KCNMA1: variants seen among roughly 807,000 people sequenced by gnomAD.
KCNMA1 encodes the protein Calcium-activated potassium channel subunit alpha-1.
KCNMA1 carries 29 observed loss-of-function variants against 140.0 expected under a neutral mutation model. That is an observed-to-expected ratio of 0.21 (90% CI 0.15 to 0.28). KCNMA1 has a LOEUF of 0.28. KCNMA1 is among the 10% of genes least tolerant of loss of function. The probability of loss-of-function intolerance (pLI) is 1.00; values close to 1 mark genes in which losing one functional copy is unlikely to be tolerated. For synonymous variants in KCNMA1, 612 were observed against 611.9 expected, an observed-to-expected ratio of 1.00 and a Z score of 0.00; for missense variants, 880 against 1,602.2, an observed-to-expected ratio of 0.55 and a Z score of 7.70.
At chr10:77,229,306 T>C (rs1351649528) in intron 3 of KCNMA1, among the ~76,000 whole-genome samples, 2 of 139,678 alleles carry the variant, frequency 1.4e-5, no homozygotes, top group Admixed American at 7.4e-5. Flanking sequence ...ATTAATTTAA[T>C]CAGGCATGAT....
rs543306768 is a variant in KCNMA1, at chr10:76,985,329, A to G, written c.2267-15262T>C. 3.3e-5 allele frequency among the ~76,000 whole-genome samples: 5 copies of G among 152,362 alleles called. No individual in the cohort carries two copies. The East Asian group carries it at 9.6e-4, about 29-fold the overall frequency. On this transcript the variant is annotated intron_variant, in intron 19 of 27. Coordinates refer to ENST00000286628, the MANE Select transcript of KCNMA1 (RefSeq NM_001161352.2). ...TGTTATTAAAAGCCACAACTTAATCACTTACATAAAAATAATGTTCATGAA... is the reference window on the plus strand; with the variant it reads ...TGTTATTAAAAGCCACAACTTAATCGCTTACATAAAAATAATGTTCATGAA...
chr10:77,432,921 G>A (rs1187737852), intron 1 of KCNMA1, among the ~76,000 whole-genome samples: 5 of 152,102 alleles, frequency 3.3e-5, no homozygotes, highest in Non-Finnish European at 7.4e-5. Context: ...GAGTGAGGGT[G>A]GAAGTGTTCA....
rs538482680 is a variant in KCNMA1 at position 76,967,366 on chromosome 10, G to A, written c.2360+2608C>T. Among the ~76,000 whole-genome samples, 207 of 152,276 alleles carry A rather than the reference G, an allele frequency of 1.4e-3. 1 individual carries two copies. The highest frequency in any genetic ancestry group is 4.8e-3 in the African/African-American group (199 of 41,558). ...TACTGGAGAGTAGAAAGCAGGTGTCGGAAGAGGCGGGGGCAACTGGAAAAG... is the reference window on the plus strand; with the variant it reads ...TACTGGAGAGTAGAAAGCAGGTGTCAGAAGAGGCGGGGGCAACTGGAAAAG... On this transcript the variant is annotated intron_variant, in intron 20 of 27. Coordinates refer to ENST00000286628, the MANE Select transcript of KCNMA1 (RefSeq NM_001161352.2).
intron 2 of KCNMA1, among the ~76,000 whole-genome samples, chr10:77,336,450 G>C (rs1481932102): frequency 6.6e-6 from 1 of 150,466 alleles, no homozygotes; most frequent in African/African-American, 2.4e-5. Flanking sequence ...AAAAGAAGAT[G>C]AATGCAAAGA....
At chr10:77,443,279 T>A (rs1197804318) in intron 1 of KCNMA1, among the ~76,000 whole-genome samples, 2 of 152,014 alleles carry the variant, frequency 1.3e-5, no homozygotes, top group East Asian at 1.9e-4. Context: ...CAGGGACTGG[T>A]TTCTGTTTGT....
chr10:77,504,061 A>T (rs1012029932), intron 1 of KCNMA1, among the ~76,000 whole-genome samples: 1 of 152,102 alleles, frequency 6.6e-6, no homozygotes, highest in African/African-American at 2.4e-5. Context: ...ATAGGGATAC[A>T]ATTGGGTAGC....
intron 21 of KCNMA1, among the ~76,000 whole-genome samples, chr10:76,953,584 T>C (rs1002542174): frequency 3.9e-5 from 6 of 152,210 alleles, no homozygotes; most frequent in African/African-American, 1.4e-4. Context: ...CCTACTCTTA[T>C]GAGGAGCCAA....
At chr10:77,061,208 A>G (rs996565003) in intron 14 of KCNMA1, among the ~76,000 whole-genome samples, 3 of 152,200 alleles carry the variant, frequency 2.0e-5, no homozygotes, top group Non-Finnish European at 2.9e-5. Flanking sequence ...TCTTTCCAGG[A>G]AAGAAAGTTT....
rs146781573 is a variant in KCNMA1 at position 76,986,121 on chromosome 10, C to A, written c.2266+15286G>T. Among the ~76,000 whole-genome samples the A allele has an allele frequency of 6.0e-3, 920 of 152,230 alleles. 7 individuals carry two copies. The highest frequency in any genetic ancestry group is 0.037 in the Middle Eastern group (11 of 294). On this transcript the variant is annotated intron_variant, in intron 19 of 27. Coordinates refer to ENST00000286628, the MANE Select transcript of KCNMA1 (RefSeq NM_001161352.2). Reference sequence around the variant, plus strand: ...GGGATGTGAGGAAGGCAGTGGAGTTCTTGGATTGCTATGAAAAGGAGGCGA... The same window carrying A: ...GGGATGTGAGGAAGGCAGTGGAGTTATTGGATTGCTATGAAAAGGAGGCGA...
chr10:76,976,295 T>G (rs888878342), intron 19 of KCNMA1, among the ~76,000 whole-genome samples: 2 of 152,088 alleles, frequency 1.3e-5, no homozygotes, highest in African/African-American at 4.8e-5. Flanking sequence ...GAGGGAGACT[T>G]TAAGGAACAA....
At chr10:77,623,957 A>G (rs966048131) in intron 1 of KCNMA1, among the ~76,000 whole-genome samples, 3 of 152,218 alleles carry the variant, frequency 2.0e-5, no homozygotes, top group African/African-American at 7.2e-5. Context: ...TATGTAACCT[A>G]AGAGAACTAT....
chr10:77,353,601 T>G (rs958561702), intron 2 of KCNMA1, among the ~76,000 whole-genome samples: 1 of 151,902 alleles, frequency 6.6e-6, no homozygotes, highest in Non-Finnish European at 1.5e-5. Flanking sequence ...ATATATAATA[T>G]ATACATATAT....
At chr10:77,308,937 G>C (rs1421474791) in intron 2 of KCNMA1, among the ~76,000 whole-genome samples, 3 of 152,314 alleles carry the variant, frequency 2.0e-5, no homozygotes, top group Admixed American at 2.0e-4. Context: ...TGGCCGCCAA[G>C]TCAGGATTTG....
intron 19 of KCNMA1, chr10:76,974,324 A>G (rs2076884267): frequency 7.7e-6 from 4 of 522,666 alleles, no homozygotes; most frequent in Non-Finnish European, 1.3e-5. Context: ...ATCGTTTTTT[A>G]CGGTTTTCCC....
At chr10:77,311,912 G>A (rs927061865) in intron 2 of KCNMA1, among the ~76,000 whole-genome samples, 6 of 152,188 alleles carry the variant, frequency 3.9e-5, no homozygotes, top group Non-Finnish European at 5.9e-5. Flanking sequence ...AAGGGTGCAC[G>A]GGTTTCCTGG....
At chr10:77,015,859 AG>A (rs2091930831) in intron 17 of KCNMA1, among the ~76,000 whole-genome samples, 1 of 152,040 alleles carries the variant, frequency 6.6e-6, no homozygotes, top group African/African-American at 2.4e-5. Flanking sequence ...ACCTCCACTC[AG>A]GGGTCAGTCC....
At chr10:77,233,091 A>T (rs1161598340) in intron 3 of KCNMA1, among the ~76,000 whole-genome samples, 1 of 152,176 alleles carries the variant, frequency 6.6e-6, no homozygotes, top group Admixed American at 6.5e-5. Context: ...GAGTCTCACT[A>T]TGTTGCCCAC....
chr10:77,636,889 C>T, intron 1 of KCNMA1: 4 of 1,423,380 alleles, frequency 2.8e-6, no homozygotes, highest in Non-Finnish European at 2.7e-6. Context: ...GTGCAAAACA[C>T]GCACCCAGCT....
At chr10:77,369,027 G>A (rs1405035812) in intron 2 of KCNMA1, among the ~76,000 whole-genome samples, 1 of 152,144 alleles carries the variant, frequency 6.6e-6, no homozygotes, top group Non-Finnish European at 1.5e-5. Context: ...TATTCTAGTT[G>A]CTTTGCCTTT....
Sources: allele counts gnomAD v4.1 joint callset (sites outside exome capture counted in the v4.1 genomes callset), GRCh38; gene constraint gnomAD v4.1.1; transcripts MANE v1.5; gene names NCBI Gene and HGNC (gene_info 2026-07-23, HGNC 2026-07-21).